HAS3: variants seen among roughly 807,000 people sequenced by gnomAD.
The protein encoded by HAS3 is hyaluronan synthase 3.
Under a neutral mutation model 50.3 loss-of-function variants are expected in HAS3, and 27 were observed. That is an observed-to-expected ratio of 0.54 (90% CI 0.40 to 0.74). The LOEUF is 0.74. HAS3 is among the 30% of genes least tolerant of loss of function. The pLI is 0.00. For synonymous variants in HAS3, 339 were observed against 310.9 expected, an observed-to-expected ratio of 1.09 and a Z score of -0.95; for missense variants, 517 against 742.8, an observed-to-expected ratio of 0.70 and a Z score of 3.53.
chr16:69,086,438 A>G, the HAS3 span, among the ~76,000 whole-genome samples: 1 of 152,116 alleles, frequency 6.6e-6, no homozygotes, highest in African/African-American at 2.4e-5. Context: ...CACTGGGTTT[A>G]TAGGTGTGAG....
chr16:69,086,734 G>A, the HAS3 span, among the ~76,000 whole-genome samples: 1 of 151,680 alleles, frequency 6.6e-6, no homozygotes, highest in East Asian at 1.9e-4. Flanking sequence ...GAGAAACCCC[G>A]TCTCTACTAA....
Position 69,115,563 on chromosome 16 carries a change from G to A in HAS3, c.*297G>A. On this transcript the variant is annotated 3_prime_UTR_variant, in exon 4 of 4. Coordinates refer to ENST00000569188, the MANE Select transcript of HAS3 (RefSeq NM_001199280.2). Reference sequence around the variant, plus strand: ...CCTCCTGGGCTCCAGAGGGCACTCAGAAGTTGTGCTAAACCAAGTTAAGTC... The same window carrying A: ...CCTCCTGGGCTCCAGAGGGCACTCAAAAGTTGTGCTAAACCAAGTTAAGTC... 1 of 1,116,078 alleles carries A rather than the reference G, an allele frequency of 9.0e-7. No individual in the cohort carries two copies. Among genetic ancestry groups the A allele is most frequent in the Non-Finnish European group, 1.1e-6 (1 of 913,158 alleles). 69.1% of individuals were successfully genotyped at this position (1,116,078 alleles called of 1,614,324 possible).
chr16:69,095,783 G>A, the HAS3 span, among the ~76,000 whole-genome samples: 1 of 152,068 alleles, frequency 6.6e-6, no homozygotes, highest in Admixed American at 6.6e-5. Flanking sequence ...CAAAGGCACC[G>A]ATGGGAATGG....
chr16:69,088,845 C>T, the HAS3 span, among the ~76,000 whole-genome samples: 1 of 152,072 alleles, frequency 6.6e-6, no homozygotes, highest in Admixed American at 6.6e-5. Context: ...TCGCTTGTGT[C>T]CAGGAGTTTG....
At chr16:69,105,488 G>A (rs1421969697), upstream of HAS3, 1 of 152,158 alleles carries the variant, frequency 6.6e-6, no homozygotes, top group Non-Finnish European at 1.5e-5. Context: ...AAAAAGAAGA[G>A]GAGGAATTGT....
At chr16:69,083,509 C>G in the HAS3 span, 1 of 1,612,156 alleles carries the variant, frequency 6.2e-7, no homozygotes, top group Non-Finnish European at 8.5e-7. Context: ...CCTCAAGGAT[C>G]TCTACCACCT....
At chr16:69,096,032 T>C in the HAS3 span, among the ~76,000 whole-genome samples, 423 of 148,686 alleles carry the variant, frequency 2.8e-3, 4 homozygotes, top group East Asian at 0.03. Flanking sequence ...CTGACCAACA[T>C]GGTGAAATCT....
chr16:69,095,772 AC>A, the HAS3 span, among the ~76,000 whole-genome samples: 1 of 152,152 alleles, frequency 6.6e-6, no homozygotes, highest in Non-Finnish European at 1.5e-5. Context: ...GTCCCCTCCA[AC>A]AAAGGCACCG....
the HAS3 span, among the ~76,000 whole-genome samples, chr16:69,091,069 C>A: frequency 6.6e-6 from 1 of 152,174 alleles, no homozygotes; most frequent in Non-Finnish European, 1.5e-5. Flanking sequence ...TGCTGCTGCC[C>A]AAGAGATACC....
chr16:69,111,190 G>A (rs895738200), intron 2 of HAS3, among the ~76,000 whole-genome samples: 2 of 8,276 alleles, frequency 2.4e-4, no homozygotes, highest in Non-Finnish European at 4.9e-4. Flanking sequence ...TTTTTTTTTT[G>A]AGACAGAGTA....
At chr16:69,085,203 T>C in the HAS3 span, 2 of 152,364 alleles carry the variant, frequency 1.3e-5, no homozygotes, top group African/African-American at 4.8e-5. Context: ...CGCAACCCAC[T>C]TCAGACCAGC....
At chr16:69,101,533 TTTC>T (rs948203741), upstream of HAS3, among the ~76,000 whole-genome samples, 5 of 152,160 alleles carry the variant, frequency 3.3e-5, no homozygotes, top group Admixed American at 2.0e-4. Context: ...TTAGTGTAGA[TTTC>T]TTCTTCCACC....
chr16:69,084,739 G>A, the HAS3 span: 1 of 152,286 alleles, frequency 6.6e-6, no homozygotes, highest in African/African-American at 2.4e-5. Flanking sequence ...AGCTTTGCAG[G>A]GCTAGGTACA....
In HAS3 at chr16:69,109,938, C is replaced by A. The variant is rs1409599674; in HGVS notation, c.543C>A (p.Ser181Arg). ...GTGTGCGGGATGTGGTGCGGGCCAG[C>A]ACCTTCTCGTGCATCATGCAGAAGT... ...MDRVRDVVRASTFSCIMQKWG... is the reference protein window; with the variant it reads ...MDRVRDVVRARTFSCIMQKWG... Residue 181 changes from serine to arginine, a missense_variant, in exon 2 of 4, where the codon AGC becomes AGA. Physicochemically the swap from Ser to Arg is moderately radical, Grantham distance 110. Transcript: ENST00000569188. The surrounding 1 kb of genome is among the most constrained non-coding windows in gnomAD (Gnocchi z 5.3). 2 of 1,613,964 alleles carry A rather than the reference C, an allele frequency of 1.2e-6. No individual in the cohort carries two copies. Among genetic ancestry groups the A allele is most frequent in the Non-Finnish European group, 1.7e-6 (2 of 1,180,012 alleles).
intron 3 of HAS3, 105 bp downstream of exon 3, chr16:69,113,647 G>A (rs1027790036): frequency 1.4e-6 from 1 of 691,486 alleles, no homozygotes; most frequent in Non-Finnish European, 2.5e-6. Flanking sequence ...AGTATTGGGG[G>A]GAGGTTCCTC....
At position 69,114,680 on chromosome 16, in the gene HAS3, A is replaced by C. The variant is rs754310543; in HGVS notation, c.1076A>C (p.Lys359Thr). The C allele has an allele frequency of 1.2e-6, 2 of 1,613,962 alleles. No individual in the cohort carries two copies. Among genetic ancestry groups the C allele is most frequent in the African/African-American group, 1.3e-5 (1 of 74,900 alleles). ...RWLNQQTRWS[K>T]SYFREWLYNS... ...CTCAACCAGCAAACCCGCTGGAGCA[A>C]GTCTTACTTCCGGGAGTGGCTCTAC... The change falls in exon 4 of 4, where the codon AAG (lysine) becomes ACG (threonine). Residue 359 changes from lysine to threonine, a missense_variant. Lys to Thr is a moderately conservative substitution (Grantham distance 78, BLOSUM62 -1). Coordinates refer to ENST00000569188, the MANE Select transcript of HAS3 (RefSeq NM_001199280.2). The surrounding 1 kb of genome is among the most constrained non-coding windows in gnomAD (Gnocchi z 6.4).
chr16:69,089,433 A>G, the HAS3 span, among the ~76,000 whole-genome samples: 2 of 152,288 alleles, frequency 1.3e-5, no homozygotes, highest in South Asian at 2.1e-4. Context: ...TTCTTCCCCA[A>G]TACGCCCCTT....
chr16:69,086,670 C>T, the HAS3 span, among the ~76,000 whole-genome samples: 1 of 151,952 alleles, frequency 6.6e-6, no homozygotes, highest in African/African-American at 2.4e-5. Flanking sequence ...TTTGGGAGGC[C>T]GAAGTGGGCA....
the HAS3 span, among the ~76,000 whole-genome samples, chr16:69,094,456 AT>A: frequency 6.6e-6 from 1 of 152,220 alleles, no homozygotes; most frequent in African/African-American, 2.4e-5. Flanking sequence ...AGAGAAGCGA[AT>A]GGGAATGCTA....
Sources: allele counts gnomAD v4.1 joint callset (sites outside exome capture counted in the v4.1 genomes callset), GRCh38; gene constraint gnomAD v4.1.1; non-coding constraint Gnocchi (gnomAD v3.1); transcripts MANE v1.5; gene names NCBI Gene and HGNC (gene_info 2026-07-23, HGNC 2026-07-21).